ZSWIM4: variants seen among roughly 807,000 people sequenced by gnomAD.
The protein encoded by ZSWIM4 is zinc finger SWIM domain-containing protein 4.
Under a neutral mutation model 102.5 loss-of-function variants are expected in ZSWIM4, and 62 were observed. The observed-to-expected ratio is 0.60, with a 90% CI of 0.49 to 0.75. The LOEUF is 0.75. Among genes scored for constraint, ZSWIM4 ranks in the 30% least tolerant of loss-of-function variants. ZSWIM4 has a pLI of 0.00. For missense variants in ZSWIM4, 1,280 were observed against 1,529.6 expected (o/e 0.84, Z 2.72); for synonymous variants, 652 against 674.5 (o/e 0.97, Z 0.52).
At chr19:13,822,205 C>CACAG (rs752152765) in intron 10 of ZSWIM4, among the ~76,000 whole-genome samples, 2 of 132,564 alleles carry the variant, frequency 1.5e-5, no homozygotes, top group Non-Finnish European at 3.2e-5. Context: ...CACACACACA[C>CACAG]AGTTTGGAGT....
In ZSWIM4 at chr19:13,809,070, G is replaced by C. The variant is rs747705445; in HGVS notation, c.862G>C (p.Val288Leu). Residue 288 changes from valine (V) to leucine (L), a missense_variant and splice_region_variant, in exon 5 of 14, where the codon GTG (valine) becomes CTG (leucine). Val to Leu is a conservative substitution (Grantham distance 32). Coordinates refer to ENST00000590508, the MANE Select transcript of ZSWIM4 (RefSeq NM_001367834.3). The surrounding 1 kb of genome is among the most constrained non-coding windows in gnomAD (Gnocchi z 4.2). Reference protein sequence around the residue: ...SQQLRSMFSKVREMLRMRDSN... With the variant: ...SQQLRSMFSKLREMLRMRDSN... Reference sequence around the variant, plus strand: ...CCTCACCACCCTGTCCCCGGCACAGGTGCGGGAGATGCTGCGAATGCGGGA... The same window carrying C: ...CCTCACCACCCTGTCCCCGGCACAGCTGCGGGAGATGCTGCGAATGCGGGA... The C allele has an allele frequency of 1.9e-6, 3 of 1,612,600 alleles. No homozygotes were observed. In the South Asian group the frequency reaches 3.3e-5, roughly 18 times the overall value.
In ZSWIM4 at chr19:13,804,877, C is replaced by T. The variant is rs778622404; in HGVS notation, c.441C>T (p.Arg147=). ...RLYHVSISFD[R]CKITSVSCGC... is the part of the protein sequence containing the mutation. ...ACCATGTCTCCATCAGCTTTGATCG[C>T]TGCAAGATCACGTCCGTGAGCTGCG... The change falls in exon 3 of 14, where the codon CGC becomes CGT. Residue 147 remains arginine (R), a synonymous_variant. Transcript: ENST00000590508. The T allele has an allele frequency of 3.1e-6, 5 of 1,613,636 alleles. No homozygotes were observed. The highest frequency in any genetic ancestry group is 4.2e-6 in the Non-Finnish European group (5 of 1,180,028).
intron 13 of ZSWIM4, 69 bp downstream of exon 13, chr19:13,828,795 C>A: frequency 6.8e-7 from 1 of 1,480,000 alleles, no homozygotes; most frequent in Non-Finnish European, 9.4e-7. Context: ...CTGAGAGAAC[C>A]AGGCAGACAA....
chr19:13,817,708 C>T lies in ZSWIM4; in HGVS notation c.1670-14C>T, dbSNP rs1975333631. On this transcript the variant is annotated splice_polypyrimidine_tract_variant and intron_variant, in intron 8 of 13. Coordinates refer to ENST00000590508, the MANE Select transcript of ZSWIM4 (RefSeq NM_001367834.3). Reference sequence around the variant, plus strand: ...GGGATCCGTCTCCAGCAGCCCTGGCCCTGTCTCCCCCAGACTCAGGCCCCG... The same window carrying T: ...GGGATCCGTCTCCAGCAGCCCTGGCTCTGTCTCCCCCAGACTCAGGCCCCG... 6.2e-7 allele frequency: 1 copy of T among 1,607,004 alleles called. No individual in the cohort carries two copies. The highest frequency in any genetic ancestry group is 8.5e-7 in the Non-Finnish European group (1 of 1,177,678).
rs1974590950 is a variant in ZSWIM4 at position 13,795,703 on chromosome 19, C to G, written c.55C>G (p.Arg19Gly). Residue 19 changes from arginine (R) to glycine (G), a missense_variant, in exon 1 of 14, where the codon CGC (arginine) becomes GGC (glycine). Physicochemically the swap from Arg to Gly is moderately radical, Grantham distance 125. Coordinates refer to ENST00000590508, the MANE Select transcript of ZSWIM4 (RefSeq NM_001367834.3). Reference protein sequence around the residue: ...SRGCPAGPEERDAGAGAARGR... With the variant: ...SRGCPAGPEEGDAGAGAARGR... ...GGGCTGCCCCGCGGGACCCGAGGAGCGCGATGCCGGGGCCGGGGCCGCGCG... is the reference window on the plus strand; with the variant it reads ...GGGCTGCCCCGCGGGACCCGAGGAGGGCGATGCCGGGGCCGGGGCCGCGCG... 14 of 1,158,814 alleles carry G rather than the reference C, an allele frequency of 1.2e-5. No individual in the cohort carries two copies. The highest frequency in any genetic ancestry group is 1.5e-5 in the Non-Finnish European group (14 of 927,582). 71.8% of individuals were successfully genotyped at this position (1,158,814 alleles called of 1,614,324 possible).
In ZSWIM4 at chr19:13,809,192, C is replaced by T. The variant is rs1379040155; in HGVS notation, c.984C>T (p.Asp328=). The T allele has an allele frequency of 6.2e-7, 1 of 1,610,390 alleles. No individual in the cohort carries two copies. The highest frequency in any genetic ancestry group is 2.2e-5 in the East Asian group (1 of 44,812). ...GGCAGCAGGGCGCGGGCATGACGGA[C>T]AAGTGCCGGCAGCTCTGGGATGAGC... ...LWRQQGAGMT[D]KCRQLWDELG... The change falls in exon 5 of 14, where the codon GAC becomes GAT. Residue 328 remains aspartate, a synonymous_variant. Transcript: ENST00000590508. This position sits in a 1 kb window ranked among gnomAD's most constrained non-coding sequence, Gnocchi z 4.2.
Position 13,830,529 on chromosome 19 carries a change from C to T in ZSWIM4, c.2800C>T (p.Leu934=), listed in dbSNP as rs754993033. The change falls in exon 14 of 14, where the codon CTG becomes TTG. Residue 934 remains leucine (L), a synonymous_variant. Coordinates refer to ENST00000590508, the MANE Select transcript of ZSWIM4 (RefSeq NM_001367834.3). The part of the protein sequence containing the change: ...TVARYMEHRG[L]PLRAYKLATL... ...GGCCCGCTATATGGAGCACCGCGGG[C>T]TGCCGCTCCGGGCCTACAAGCTGGC... is the stretch of plus-strand genomic sequence containing the variant. 5 of 1,599,478 alleles carry T rather than the reference C, an allele frequency of 3.1e-6. No individual in the cohort carries two copies. The South Asian group carries it at 4.4e-5, about 14-fold the overall frequency.
At chr19:13,830,023 G>A (rs1453041635) in intron 13 of ZSWIM4, among the ~76,000 whole-genome samples, 168 bp from the exon 14 acceptor site, 3 of 152,152 alleles carry the variant, frequency 2.0e-5, no homozygotes, top group Admixed American at 6.5e-5. Flanking sequence ...TTCTACACAC[G>A]TGATTCCCAC....
intron 12 of ZSWIM4, among the ~76,000 whole-genome samples, chr19:13,828,428 A>C (rs1347895426): frequency 2.0e-5 from 3 of 152,080 alleles, no homozygotes; most frequent in Admixed American, 2.0e-4. Flanking sequence ...AAAACAAAAC[A>C]ACAACAAAAA....
chr19:13,826,377 T>G (rs1030922031), intron 12 of ZSWIM4, among the ~76,000 whole-genome samples: 1 of 151,922 alleles, frequency 6.6e-6, no homozygotes, highest in Non-Finnish European at 1.5e-5. Context: ...CTGAAGAGGA[T>G]TGCCGCCTAA....
At chr19:13,806,544 C>T (rs976260969) in intron 3 of ZSWIM4, among the ~76,000 whole-genome samples, 7 of 151,966 alleles carry the variant, frequency 4.6e-5, no homozygotes, top group Middle Eastern at 3.4e-3. Context: ...GGCACACACA[C>T]GCCTGTAGAT....
intron 2 of ZSWIM4, among the ~76,000 whole-genome samples, chr19:13,803,508 T>G (rs1974828443): frequency 6.6e-6 from 1 of 151,926 alleles, no homozygotes; most frequent in African/African-American, 2.4e-5. Context: ...TGGGCTGGGC[T>G]CGGTGGCTCG....
At chr19:13,817,184 G>A in intron 7 of ZSWIM4, 32 bp from the exon 8 acceptor site, 2 of 1,595,700 alleles carry the variant, frequency 1.3e-6, no homozygotes, top group South Asian at 1.1e-5. Flanking sequence ...GGGCAGGTGT[G>A]TGGGCATTGA....
rs1975775687 is a variant in ZSWIM4 at position 13,831,814 on chromosome 19, A to T, written c.*764A>T. 6.6e-6 allele frequency: 1 copy of T among 152,176 alleles called. No individual in the cohort carries two copies. Among genetic ancestry groups the T allele is most frequent in the Non-Finnish European group, 1.5e-5 (1 of 68,008 alleles). 9.4% of individuals were successfully genotyped at this position (152,176 alleles called of 1,614,324 possible). A position where few individuals can be genotyped will look rare whatever the true frequency, so the allele number is the denominator to read the frequency against. Reference sequence around the variant, plus strand: ...CCCACCCCCGATCTGGAAAGGAAAGAGACCTGTATCTTGGTGTTTTTCTGG... The same window carrying T: ...CCCACCCCCGATCTGGAAAGGAAAGTGACCTGTATCTTGGTGTTTTTCTGG... On this transcript the variant is annotated 3_prime_UTR_variant, in exon 14 of 14. Transcript: ENST00000590508.
intron 3 of ZSWIM4, among the ~76,000 whole-genome samples, chr19:13,807,754 C>CATGGATGGATGG (rs368459784): frequency 0.016 from 2,262 of 139,268 alleles, 59 homozygotes; most frequent in African/African-American, 0.056. Flanking sequence ...TGGATGGATG[C>CATGGATGGATGG]ATGGATGGAT....
In ZSWIM4 at chr19:13,825,327, CCTAGGTGG is replaced by C. The variant is rs1241024476; in HGVS notation, c.2216-220_2216-213del. On this transcript the variant is annotated intron_variant, in intron 11 of 13. Coordinates refer to ENST00000590508, the MANE Select transcript of ZSWIM4 (RefSeq NM_001367834.3). This position sits in a 1 kb window ranked among gnomAD's most constrained non-coding sequence, Gnocchi z 4.6. ...CAGGTGTGAGCCACTGCGCCCGGCC[CCTAGGTGG>C]CTTTCTGTAACAGGAAAGGGCCAGA... is the stretch of plus-strand genomic sequence containing the variant. 6.6e-6 allele frequency among the ~76,000 whole-genome samples: 1 copy of C among 152,052 alleles called. No individual in the cohort carries two copies. The highest frequency in any genetic ancestry group is 1.5e-5 in the Non-Finnish European group (1 of 68,010).
intron 3 of ZSWIM4, among the ~76,000 whole-genome samples, chr19:13,808,458 G>A (rs115910786): frequency 0.018 from 2,733 of 151,990 alleles, 76 homozygotes; most frequent in African/African-American, 0.063. Context: ...TGGATGGGTC[G>A]GGCACAGTAG....
intron 2 of ZSWIM4, among the ~76,000 whole-genome samples, chr19:13,802,640 G>A (rs867837445): frequency 2.7e-5 from 4 of 150,684 alleles, no homozygotes; most frequent in Admixed American, 6.6e-5. Flanking sequence ...GTGCAGTGGC[G>A]CGATAATAGC....
At chr19:13,818,895 GCT>G (rs1463025863) in intron 9 of ZSWIM4, among the ~76,000 whole-genome samples, 2 of 120,842 alleles carry the variant, frequency 1.7e-5, no homozygotes, top group Non-Finnish European at 3.3e-5. Context: ...ACGGAGTCTC[GCT>G]CTGTCTCCCA....
Sources: gnomAD v4.1 joint callset for allele counts (sites outside exome capture counted in the v4.1 genomes callset) on GRCh38, gnomAD v4.1.1 for gene constraint, Gnocchi (gnomAD v3.1) non-coding constraint, MANE v1.5 for transcripts, NCBI Gene and HGNC (gene_info 2026-07-23, HGNC 2026-07-21) for gene names.